SAMD5: variants seen among roughly 807,000 people sequenced by gnomAD.
SAMD5 encodes the protein sterile alpha motif domain containing 5, also known as sterile alpha motif domain-containing protein 5.
Under a neutral mutation model 11.3 loss-of-function variants are expected in SAMD5, and 13 were observed. The ratio of observed to expected loss-of-function variants is 1.15; its 90% CI spans 0.75 to 1.83. SAMD5 has a LOEUF of 1.83. SAMD5 is among the 40% of genes most tolerant of loss of function. The pLI is 0.00. For synonymous variants in SAMD5, 129 were observed against 111.3 expected (o/e 1.16, Z -1.00); for missense variants, 255 against 239.1 (o/e 1.07, Z -0.44).
At chr6:147,932,650 G>A in the SAMD5 span, among the ~76,000 whole-genome samples, 1 of 147,266 alleles carries the variant, frequency 6.8e-6, no homozygotes. Flanking sequence ...TGGGGGAGGG[G>A]AATGAAAATA....
At chr6:147,551,343 G>A (rs1788768973) in intron 1 of SAMD5, among the ~76,000 whole-genome samples, 1 of 152,160 alleles carries the variant, frequency 6.6e-6, no homozygotes, top group Admixed American at 6.5e-5. Context: ...AGAGGTTAAG[G>A]AAAATGCTCT....
At chr6:147,546,306 G>T (rs142325088) in intron 1 of SAMD5, among the ~76,000 whole-genome samples, 1 of 152,252 alleles carries the variant, frequency 6.6e-6, no homozygotes, top group East Asian at 1.9e-4. Flanking sequence ...AAGGCGGGTG[G>T]ATCACCTGAG....
intron 1 of SAMD5, among the ~76,000 whole-genome samples, chr6:147,697,262 A>G (rs1583143582): frequency 6.6e-6 from 1 of 152,244 alleles, no homozygotes; most frequent in Non-Finnish European, 1.5e-5. Flanking sequence ...TCTCAAATCC[A>G]TCTAGATTCA....
Position 147,720,788 on chromosome 6 carries a change from G to A in SAMD5, c.163-16529G>A, listed in dbSNP as rs537120522. ...ATGTATACATGTGCCATGCTGGTGC[G>A]CTGCACCCACTAACTCGTCATCTAG... On this transcript the variant is annotated intron_variant, in intron 1 of 1. Coordinates refer to the SAMD5 transcript ENST00000566741. Among the ~76,000 whole-genome samples, 1,378 of 149,690 alleles carry A rather than the reference G, an allele frequency of 9.2e-3. 25 individuals are homozygous for A. The highest frequency in any genetic ancestry group is 0.033 in the African/African-American group (1,335 of 40,534).
the SAMD5 span, among the ~76,000 whole-genome samples, chr6:147,813,026 TAGTGATTAG>T: frequency 6.6e-6 from 1 of 152,216 alleles, no homozygotes; most frequent in Admixed American, 6.5e-5. Context: ...TGAAAATTAG[TAGTGATTAG>T]AACTTCAAGA....
chr6:147,677,312 C>T (rs149641097), intron 1 of SAMD5, among the ~76,000 whole-genome samples: 277 of 152,010 alleles, frequency 1.8e-3, no homozygotes, highest in African/African-American at 6.5e-3. Context: ...CTCTGAAGTT[C>T]CTGAATGAGG....
intron 1 of SAMD5, among the ~76,000 whole-genome samples, chr6:147,510,404 T>C (rs1583061952): frequency 6.6e-6 from 1 of 152,332 alleles, no homozygotes. Flanking sequence ...ACGCTCAGGA[T>C]TGCAGAAGGT....
the SAMD5 span, among the ~76,000 whole-genome samples, chr6:147,822,217 A>G: frequency 2.0e-5 from 3 of 152,192 alleles, no homozygotes; most frequent in Non-Finnish European, 4.4e-5. Flanking sequence ...AACTGGTGTA[A>G]TTCTTACAAT....
the SAMD5 span, among the ~76,000 whole-genome samples, chr6:147,857,239 A>AT: frequency 6.6e-6 from 1 of 151,504 alleles, no homozygotes; most frequent in Non-Finnish European, 1.5e-5. Context: ...ACAGTGGCTC[A>AT]TGCCTGTAAT....
At chr6:147,643,751 A>AGGAG (rs1790349425) in intron 1 of SAMD5, among the ~76,000 whole-genome samples, 1 of 128,622 alleles carries the variant, frequency 7.8e-6, no homozygotes, top group South Asian at 2.5e-4. Context: ...GAAAGAAGGA[A>AGGAG]GGAAGGAAGG....
At chr6:147,777,342 C>T in the SAMD5 span, among the ~76,000 whole-genome samples, 1 of 152,068 alleles carries the variant, frequency 6.6e-6, no homozygotes, top group Admixed American at 6.6e-5. Flanking sequence ...CTGATCCGTC[C>T]ACCCACTCCA....
chr6:147,792,779 G>A, the SAMD5 span, among the ~76,000 whole-genome samples: 11 of 152,120 alleles, frequency 7.2e-5, no homozygotes, highest in Admixed American at 3.3e-4. Flanking sequence ...CAACAACAAT[G>A]ATGATGTATG....
At chr6:147,954,428 G>A in the SAMD5 span, among the ~76,000 whole-genome samples, 1 of 152,130 alleles carries the variant, frequency 6.6e-6, no homozygotes, top group Non-Finnish European at 1.5e-5. Context: ...TTATCTCCTA[G>A]TGACACGGTA....
the SAMD5 span, among the ~76,000 whole-genome samples, chr6:147,874,169 C>G: frequency 2.0e-5 from 3 of 152,176 alleles, no homozygotes; most frequent in African/African-American, 7.2e-5. Flanking sequence ...GGGAAACAGG[C>G]TGATTGGCTT....
chr6:147,874,646 G>A, the SAMD5 span, among the ~76,000 whole-genome samples: 2 of 79,546 alleles, frequency 2.5e-5, no homozygotes, highest in African/African-American at 6.7e-5. Context: ...ATGGACAAGT[G>A]CTATGCAAAG....
Position 147,567,333 on chromosome 6 carries a change from G to A in SAMD5, c.*2877G>A, listed in dbSNP as rs193130146. The A allele has an allele frequency of 3.2e-4, 318 of 985,136 alleles. 3 individuals are homozygous for A. In the African/African-American group the frequency reaches 5.2e-3, roughly 16 times the overall value. The allele number at this position is 985,136 out of a possible 1,614,324, so 61.0% of individuals were successfully genotyped here. ...GTTCAGAGATATTTATAGCATCTTG[G>A]TGTTATGCAATAAACAATGACAACA... On this transcript the variant is annotated 3_prime_UTR_variant, in exon 2 of 2. Coordinates refer to ENST00000367474, the MANE Select transcript of SAMD5 (RefSeq NM_001030060.3).
At chr6:147,802,222 A>T in the SAMD5 span, among the ~76,000 whole-genome samples, 4 of 152,202 alleles carry the variant, frequency 2.6e-5, no homozygotes, top group Non-Finnish European at 5.9e-5. Context: ...AAGACAAAAT[A>T]CCTGATTTTT....
chr6:147,735,556 G>A (rs1472938891), intron 1 of SAMD5, among the ~76,000 whole-genome samples: 3 of 152,150 alleles, frequency 2.0e-5, no homozygotes, highest in Non-Finnish European at 4.4e-5. Flanking sequence ...GAAACTAAAT[G>A]TGCTAAATGT....
intron 1 of SAMD5, among the ~76,000 whole-genome samples, chr6:147,613,306 G>T (rs1397444430): frequency 6.6e-6 from 1 of 151,856 alleles, no homozygotes; most frequent in African/African-American, 2.4e-5. Context: ...GAATCTGTGG[G>T]TTTCTTTCCT....
Sources: allele counts gnomAD v4.1 joint callset (sites outside exome capture counted in the v4.1 genomes callset), GRCh38; gene constraint gnomAD v4.1.1; transcripts MANE v1.5; gene names NCBI Gene and HGNC (gene_info 2026-07-23, HGNC 2026-07-21).